The following TXNRD1 variants were observed in gnomAD, a reference collection of about 807,000 sequenced individuals.
TXNRD1 encodes thioredoxin reductase 1, cytoplasmic.
A neutral mutation model predicts 80.3 loss-of-function variants in TXNRD1; 57 were observed. The ratio of observed to expected loss-of-function variants is 0.71; its 90% confidence interval spans 0.57 to 0.89. The LOEUF is 0.89. Among genes scored for constraint, TXNRD1 ranks in the 40% least tolerant of loss-of-function variants. TXNRD1 has a pLI of 0.00. For missense variants in TXNRD1, 730 were observed against 803.0 expected (o/e 0.91, Z 1.10); for synonymous variants, 291 against 285.2 (o/e 1.02, Z -0.20).
intron 1 of TXNRD1, among the ~76,000 whole-genome samples, chr12:104,229,028 T>G (rs1470234065): frequency 1.3e-5 from 2 of 151,978 alleles, no homozygotes; most frequent in Non-Finnish European, 2.9e-5. Flanking sequence ...CTAGAACATT[T>G]TCATTACTCC....
intron 1 of TXNRD1, among the ~76,000 whole-genome samples, chr12:104,248,856 C>T (rs1006979902): frequency 2.6e-5 from 4 of 151,934 alleles, no homozygotes; most frequent in South Asian, 4.2e-4. Context: ...GATAGTCTCT[C>T]GCACTCTCAC....
At chr12:104,256,819 C>T (rs1029505213) in intron 2 of TXNRD1, among the ~76,000 whole-genome samples, 4 of 149,948 alleles carry the variant, frequency 2.7e-5, no homozygotes, top group African/African-American at 9.8e-5. Context: ...AAAAAGAAGA[C>T]TAATGAGGTT....
At chr12:104,338,416 C>T (rs1360617318) in intron 15 of TXNRD1, among the ~76,000 whole-genome samples, 2 of 151,368 alleles carry the variant, frequency 1.3e-5, no homozygotes, top group Non-Finnish European at 3.0e-5. Context: ...GCCATTTTTC[C>T]AGGTGCGGTG....
chr12:104,311,902 A>C (rs1313560176), intron 5 of TXNRD1, among the ~76,000 whole-genome samples: 2 of 151,706 alleles, frequency 1.3e-5, no homozygotes, highest in African/African-American at 4.8e-5. Context: ...AATGGCTTGA[A>C]CCTTGGAGGC....
At chr12:104,298,831 C>A (rs1361931014) in intron 4 of TXNRD1, among the ~76,000 whole-genome samples, 1 of 150,646 alleles carries the variant, frequency 6.6e-6, no homozygotes, top group African/African-American at 2.4e-5. Flanking sequence ...CATTTGCTAT[C>A]TTTGGGATTG....
intron 6 of TXNRD1, 64 bp from the exon 7 acceptor site, chr12:104,315,713 G>T: frequency 6.5e-7 from 1 of 1,533,654 alleles, no homozygotes; most frequent in Middle Eastern, 1.7e-4. Context: ...TGTTGACTTT[G>T]TTCTTTGAAT....
chr12:104,253,624 C>T (rs1037546826), intron 2 of TXNRD1, among the ~76,000 whole-genome samples: 15 of 152,098 alleles, frequency 9.9e-5, no homozygotes, highest in East Asian at 5.8e-4. Context: ...GCCCCTCCCC[C>T]GCACCGCCTG....
chr12:104,236,498 T>G (rs1207886732), intron 1 of TXNRD1, among the ~76,000 whole-genome samples: 1 of 152,016 alleles, frequency 6.6e-6, no homozygotes, highest in Non-Finnish European at 1.5e-5. Context: ...AGCACTGAGC[T>G]TAATTAAAAG....
intron 1 of TXNRD1, among the ~76,000 whole-genome samples, chr12:104,236,787 C>CAAAA (rs35066909): frequency 2.1e-4 from 24 of 112,872 alleles, no homozygotes; most frequent in African/African-American, 8.1e-4. Context: ...AAAACTGTCT[C>CAAAA]AAAAAAAAAA....
chr12:104,304,215 T>C lies in TXNRD1; in HGVS notation c.415-7075T>C, dbSNP rs752927503. The C allele has an allele frequency of 7.4e-6, 12 of 1,613,952 alleles. No individual in the cohort carries two copies. The Admixed American group carries it at 1.8e-4, about 25-fold the overall frequency. Reference sequence around the variant, plus strand: ...GCAGCCCTCGACGCCCGGTTTCTTGTTATGGCTTCTGATTTGGGTAAAGAA... The same window carrying C: ...GCAGCCCTCGACGCCCGGTTTCTTGCTATGGCTTCTGATTTGGGTAAAGAA... On this transcript the variant is annotated intron_variant, in intron 4 of 16. Transcript: ENST00000525566.
rs544102062 is a variant in TXNRD1, at chr12:104,310,826, T to C, written c.415-464T>C. ...AACTTTTCATGCAGGTCAGTATCAA[T>C]TGACAGTTTTGTTCTGAATTTTTAG... On this transcript the variant is annotated intron_variant, in intron 4 of 16. Coordinates refer to ENST00000525566, the MANE Select transcript of TXNRD1 (RefSeq NM_001093771.3). Among the ~76,000 whole-genome samples, 10 of 152,342 alleles carry C rather than the reference T, an allele frequency of 6.6e-5. No individual in the cohort carries two copies. In the South Asian group the frequency reaches 1.0e-3, roughly 16 times the overall value.
intron 11 of TXNRD1, among the ~76,000 whole-genome samples, chr12:104,325,863 C>T (rs890024511): frequency 1.5e-4 from 18 of 117,108 alleles, no homozygotes; most frequent in African/African-American, 5.7e-4. Context: ...CAGAGCGAGA[C>T]TCCATCTCAA....
In TXNRD1 at chr12:104,318,348, A is replaced by G. The variant is rs1301598991; in HGVS notation, c.731-565A>G. Among the ~76,000 whole-genome samples the G allele has an allele frequency of 5.9e-5, 9 of 152,334 alleles. No individual in the cohort carries two copies. The East Asian group carries it at 1.5e-3, about 26-fold the overall frequency. Reference sequence around the variant, plus strand: ...TTCCGTAAAAGGCCATATGGTAAATATTTTAGGATTCTTGGGGCATAGGGT... The same window carrying G: ...TTCCGTAAAAGGCCATATGGTAAATGTTTTAGGATTCTTGGGGCATAGGGT... On this transcript the variant is annotated intron_variant, in intron 7 of 16. Coordinates refer to ENST00000525566, the MANE Select transcript of TXNRD1 (RefSeq NM_001093771.3).
In TXNRD1 at chr12:104,272,652, C is replaced by T. The variant is rs890344579; in HGVS notation, c.304+14573C>T. On this transcript the variant is annotated intron_variant, in intron 3 of 16. Transcript: ENST00000525566. ...TAAAAATACAAAAAAATTAGCTGGG[C>T]GTGGTGGCGGGCGCCTGTAGTCCCA... Among the ~76,000 whole-genome samples the T allele has an allele frequency of 8.6e-5, 13 of 151,900 alleles. No homozygotes were observed. The South Asian group carries it at 1.5e-3, about 17-fold the overall frequency.
chr12:104,251,075 G>A (rs909554528), intron 1 of TXNRD1, among the ~76,000 whole-genome samples: 3 of 152,156 alleles, frequency 2.0e-5, no homozygotes, highest in Non-Finnish European at 1.5e-5. Flanking sequence ...AGTTAACCTG[G>A]GAGAAAACAT....
intron 4 of TXNRD1, among the ~76,000 whole-genome samples, chr12:104,309,443 A>C (rs952394223): frequency 2.6e-5 from 4 of 152,180 alleles, no homozygotes; most frequent in Admixed American, 6.5e-5. Flanking sequence ...TTTCAGCATG[A>C]GGATACATTT....
chr12:104,303,838 T>C (rs936674297), intron 4 of TXNRD1: 52 of 1,435,224 alleles, frequency 3.6e-5, no homozygotes, highest in Non-Finnish European at 3.8e-5. Context: ...TTGAAAAAGC[T>C]TCCCGGAAGG....
chr12:104,325,826 T>G lies in TXNRD1; in HGVS notation c.1308+397T>G, dbSNP rs557290823. Among the ~76,000 whole-genome samples the G allele has an allele frequency of 2.0e-5, 3 of 151,696 alleles. No individual in the cohort carries two copies. In the East Asian group the frequency reaches 5.8e-4, roughly 29 times the overall value. On this transcript the variant is annotated intron_variant, in intron 11 of 16. Coordinates refer to ENST00000525566, the MANE Select transcript of TXNRD1 (RefSeq NM_001093771.3). The stretch of plus-strand genomic sequence containing the variant: ...GACCTAGGTTGCAGTGAGCCGAGAT[T>G]GTGCCACTGCACTCCAGCCTGGGTG...
At chr12:104,343,969 G>A (rs1196404992) in intron 16 of TXNRD1, among the ~76,000 whole-genome samples, 1 of 152,032 alleles carries the variant, frequency 6.6e-6, no homozygotes, top group Non-Finnish European at 1.5e-5. Flanking sequence ...CTGATGTGGT[G>A]GTGCATACCT....
Sources: gnomAD v4.1 joint callset for allele counts (sites outside exome capture counted in the v4.1 genomes callset) on GRCh38, gnomAD v4.1.1 for gene constraint, MANE v1.5 for transcripts, NCBI Gene and HGNC (gene_info 2026-07-23, HGNC 2026-07-21) for gene names.